Variants in RGS12 observed in about 807,000 individuals in gnomAD.
RGS12 encodes regulator of G-protein signaling 12.
Under a neutral mutation model 120.1 loss-of-function variants are expected in RGS12, and 66 were observed. The ratio of observed to expected loss-of-function variants is 0.55; its 90% CI spans 0.45 to 0.67. The LOEUF (loss-of-function observed/expected upper bound fraction) is 0.67, where lower values mean the gene tolerates loss of function less well. Ranked by LOEUF, RGS12 falls within the 30% of genes least tolerant of loss-of-function variation. The pLI, the probability that RGS12 is intolerant of heterozygous loss-of-function variation, is 0.00. For synonymous variants in RGS12, 827 were observed against 804.7 expected, an observed-to-expected ratio of 1.03 and a Z score of -0.47; for missense variants, 1,859 against 1,957.7, an observed-to-expected ratio of 0.95 and a Z score of 0.95.
chr4:3,293,015 G>T (rs1195780729), upstream of RGS12: 7 of 149,792 alleles, frequency 4.7e-5, no homozygotes, highest in East Asian at 1.4e-3. Context: ...GACCCCGGGG[G>T]GCGGTGGCTG....
In RGS12 at chr4:3,306,382, G is replaced by A. The variant is rs140707381; in HGVS notation, c.-101-9688G>A. Among the ~76,000 whole-genome samples the A allele has an allele frequency of 4.2e-3, 640 of 152,338 alleles. 6 individuals carry two copies. The highest frequency in any genetic ancestry group is 0.014 in the African/African-American group (568 of 41,578). ...GAGGAGGGTGTGGAGACGAGGAGAC[G>A]GATGCAGGTATCACTCCACCATGGG... On this transcript the variant is annotated intron_variant, in intron 1 of 17. Transcript: ENST00000336727.
rs527568080 is a variant in RGS12, at chr4:3,316,218, G to T, written c.48G>T (p.Ser16=). 1.9e-6 allele frequency: 3 copies of T among 1,599,238 alleles called. No individual in the cohort carries two copies. Among genetic ancestry groups the T allele is most frequent in the African/African-American group, 2.7e-5 (2 of 74,610 alleles). The change falls in exon 2 of 18, where the codon TCG becomes TCT. Residue 16 remains serine (S), a synonymous_variant. Transcript: ENST00000336727. ...CCAAACGCCCATTGCCTGGGCCGTC[G>T]CCCCCAAGGGTGCGGAGTGTGGAGG... is the stretch of plus-strand genomic sequence containing the variant. ...EASKRPLPGP[S]PPRVRSVEVA...
intron 3 of RGS12, among the ~76,000 whole-genome samples, chr4:3,384,777 G>C (rs938387022): frequency 1.3e-5 from 2 of 152,244 alleles, no homozygotes; most frequent in Non-Finnish European, 2.9e-5. Context: ...CTGTCAGGGG[G>C]CTTACTTTGG....
intron 1 of RGS12, among the ~76,000 whole-genome samples, chr4:3,298,550 G>C (rs1723506096): frequency 6.6e-6 from 1 of 152,056 alleles, no homozygotes; most frequent in Admixed American, 6.6e-5. Flanking sequence ...TCATAGTCTC[G>C]TCATGTTGCC....
At chr4:3,291,535 T>G (rs569939663), upstream of RGS12, among the ~76,000 whole-genome samples, 3 of 152,234 alleles carry the variant, frequency 2.0e-5, no homozygotes, top group African/African-American at 7.2e-5. Flanking sequence ...TTAGTAGAGA[T>G]GGGGTTTTGC....
rs188646323 is a variant in RGS12, at chr4:3,296,479, C to T, written c.-102+3380C>T. Among the ~76,000 whole-genome samples the T allele has an allele frequency of 5.1e-4, 78 of 152,258 alleles. No homozygotes were observed. In the East Asian group the frequency reaches 8.3e-3, roughly 16 times the overall value. On this transcript the variant is annotated intron_variant, in intron 1 of 17. Coordinates refer to ENST00000336727, the MANE Select transcript of RGS12 (RefSeq NM_001394154.1). ...GGTTGGGATTGCAGGCACGAGCCAC[C>T]GCGCCTAGCTTCTGTCTTCTTCTGC...
rs1725175813 is a variant in RGS12 at position 3,439,891 on chromosome 4, A to G, written c.*207A>G. The G allele has an allele frequency of 3.8e-6, 2 of 519,798 alleles. No individual in the cohort carries two copies. The highest frequency in any genetic ancestry group is 6.6e-6 in the Non-Finnish European group (2 of 302,618). 32.2% of individuals were successfully genotyped at this position (519,798 alleles called of 1,614,324 possible). A position where few individuals can be genotyped will look rare whatever the true frequency, so the allele number is the denominator to read the frequency against. ...CCTGGCCCTGGCCTCCTGCTGCCCA[A>G]TAAAGCATTTCTGAGGACCCAAGCG... On this transcript the variant is annotated 3_prime_UTR_variant, in exon 18 of 18. Transcript: ENST00000336727.
At position 3,343,011 on chromosome 4, in the gene RGS12, A is replaced by G. The variant is rs1713405248; in HGVS notation, c.1956A>G (p.Arg652=). The G allele has an allele frequency of 6.2e-7, 1 of 1,613,646 alleles. No individual in the cohort carries two copies. Among genetic ancestry groups the G allele is most frequent in the Non-Finnish European group, 8.5e-7 (1 of 1,179,798 alleles). Residue 652 remains arginine, a synonymous_variant, in exon 3 of 18, where the codon AGA becomes AGG. Transcript: ENST00000336727. The part of the protein sequence containing the change: ...QRTSARRSFG[R]SKRFSITRSL... ...CGTCTGCTCGGAGATCATTTGGGAGATCCAAGAGATTCAGTATCACTCGCT... is the reference window on the plus strand; with the variant it reads ...CGTCTGCTCGGAGATCATTTGGGAGGTCCAAGAGATTCAGTATCACTCGCT...
At chr4:3,370,132 C>T (rs540249395) in intron 3 of RGS12, 1 of 1,506,806 alleles carries the variant, frequency 6.6e-7, no homozygotes, top group Admixed American at 2.0e-5. Context: ...CCTGCAGTGT[C>T]CTGTTGCCAT....
At chr4:3,349,388 T>C (rs1714141311) in intron 3 of RGS12, among the ~76,000 whole-genome samples, 1 of 152,188 alleles carries the variant, frequency 6.6e-6, no homozygotes, top group South Asian at 2.1e-4. Context: ...TACAAAATTA[T>C]TCATTTTTGT....
At chr4:3,423,988 C>A (rs536407049) in intron 13 of RGS12, 13 of 194,492 alleles carry the variant, frequency 6.7e-5, no homozygotes, top group Middle Eastern at 2.2e-3. Flanking sequence ...GCCCTGCCCC[C>A]ACTGCACCTG....
the RGS12 span, among the ~76,000 whole-genome samples, chr4:3,286,229 C>A: frequency 8.5e-5 from 13 of 152,208 alleles, no homozygotes; most frequent in Admixed American, 8.5e-4. Flanking sequence ...AGAGGCCACT[C>A]GGCCACCCTA....
the RGS12 span, among the ~76,000 whole-genome samples, chr4:3,287,928 A>T: frequency 6.6e-6 from 1 of 152,064 alleles, no homozygotes; most frequent in Non-Finnish European, 1.5e-5. Context: ...CGGGCCCCAC[A>T]CAAACCTGTC....
intron 4 of RGS12, among the ~76,000 whole-genome samples, chr4:3,394,966 C>G (rs905961655): frequency 7.2e-5 from 11 of 151,882 alleles, no homozygotes; most frequent in African/African-American, 2.2e-4. Context: ...GCCAAGAGTT[C>G]AAGACCAGCC....
chr4:3,399,070 TATC>T (rs1404528071), intron 4 of RGS12, among the ~76,000 whole-genome samples: 1 of 152,318 alleles, frequency 6.6e-6, no homozygotes, highest in East Asian at 1.9e-4. Flanking sequence ...AAATGGGAGT[TATC>T]ATACAGTTTA....
chr4:3,323,671 A>G (rs1332121588), intron 2 of RGS12, among the ~76,000 whole-genome samples: 3 of 152,216 alleles, frequency 2.0e-5, no homozygotes, highest in Non-Finnish European at 4.4e-5. Context: ...GACTGTTTCT[A>G]TATTTAATAA....
Position 3,439,720 on chromosome 4 carries a change from T to C in RGS12, c.*36T>C, listed in dbSNP as rs1467188369. On this transcript the variant is annotated 3_prime_UTR_variant, in exon 18 of 18. Coordinates refer to ENST00000336727, the MANE Select transcript of RGS12 (RefSeq NM_001394154.1). ...CCTGGCCAACTCTCCTGTGGACATG[T>C]CGGGGTGGGGCAGCCCAGGTGGATT... The C allele has an allele frequency of 1.2e-5, 18 of 1,454,500 alleles. No homozygotes were observed. Among genetic ancestry groups the C allele is most frequent in the Non-Finnish European group, 1.6e-5 (18 of 1,099,516 alleles). The allele number at this position is 1,454,500 out of a possible 1,614,324, so 90.1% of individuals were successfully genotyped here. A position where few individuals can be genotyped will look rare whatever the true frequency, so the allele number is the denominator to read the frequency against.
At chr4:3,384,316 G>A (rs1465472046) in intron 3 of RGS12, among the ~76,000 whole-genome samples, 6 of 151,994 alleles carry the variant, frequency 3.9e-5, no homozygotes, top group East Asian at 1.9e-4. Flanking sequence ...TTCCACGCTC[G>A]GCTAATTTTT....
At chr4:3,359,912 C>T (rs910722201) in intron 3 of RGS12, among the ~76,000 whole-genome samples, 3 of 151,946 alleles carry the variant, frequency 2.0e-5, no homozygotes, top group African/African-American at 7.3e-5. Flanking sequence ...CATGAGCCAC[C>T]GTGCCTAGCC....
Sources: gnomAD v4.1 joint callset for allele counts (sites outside exome capture counted in the v4.1 genomes callset) on GRCh38, gnomAD v4.1.1 for gene constraint, MANE v1.5 for transcripts, NCBI Gene and HGNC (gene_info 2026-07-23, HGNC 2026-07-21) for gene names.